Variants in BTBD10 observed in about 807,000 individuals in gnomAD.
The protein encoded by BTBD10 is BTB domain containing 10, also known as BTB/POZ domain-containing protein 10.
Under a neutral mutation model 53.2 loss-of-function variants are expected in BTBD10, and 21 were observed. That is an observed-to-expected ratio of 0.39 (90% CI 0.28 to 0.57). The LOEUF is 0.57. Ranked by LOEUF, BTBD10 falls within the 20% of genes least tolerant of loss-of-function variation. The pLI is 0.53. For missense variants in BTBD10, 360 were observed against 594.7 expected (o/e 0.61, Z 4.10); for synonymous variants, 149 against 192.7 (o/e 0.77, Z 1.88).
intron 1 of BTBD10, among the ~76,000 whole-genome samples, chr11:13,457,818 A>G (rs763219466): frequency 3.3e-5 from 5 of 152,210 alleles, no homozygotes; most frequent in Non-Finnish European, 5.9e-5. Flanking sequence ...GTACACACAT[A>G]TATTTCTGAC....
At chr11:13,451,066 T>C (rs572763768) in intron 1 of BTBD10, among the ~76,000 whole-genome samples, 1 of 151,938 alleles carries the variant, frequency 6.6e-6, no homozygotes, top group African/African-American at 2.4e-5. Flanking sequence ...AAATTTCAGG[T>C]AGATGTAGTG....
intron 2 of BTBD10, among the ~76,000 whole-genome samples, chr11:13,422,879 C>A (rs1449153547): frequency 6.6e-6 from 1 of 152,262 alleles, no homozygotes; most frequent in Non-Finnish European, 1.5e-5. Context: ...TAAATGCCAA[C>A]AGAAAGAAGC....
intron 2 of BTBD10, among the ~76,000 whole-genome samples, chr11:13,431,640 G>A (rs1950449797): frequency 6.6e-6 from 1 of 152,080 alleles, no homozygotes; most frequent in African/African-American, 2.4e-5. Context: ...TTATTAAAAT[G>A]GTCACTCTCA....
Position 13,388,287 on chromosome 11 carries a change from C to A in BTBD10, c.*544G>T. ...TAAGATATGGGCATTAAATCTCATCCTGATCATTCAGATAAGCCCAAGATA... is the reference window on the plus strand; with the variant it reads ...TAAGATATGGGCATTAAATCTCATCATGATCATTCAGATAAGCCCAAGATA... On this transcript the variant is annotated 3_prime_UTR_variant, in exon 9 of 9. Coordinates refer to ENST00000278174, the MANE Select transcript of BTBD10 (RefSeq NM_032320.7). 6.5e-6 allele frequency: 1 copy of A among 154,176 alleles called. No homozygotes were observed. 9.6% of individuals were successfully genotyped at this position (154,176 alleles called of 1,614,324 possible). A position where few individuals can be genotyped will look rare whatever the true frequency, so the allele number is the denominator to read the frequency against.
At chr11:13,450,159 A>C (rs1261767741) in intron 1 of BTBD10, among the ~76,000 whole-genome samples, 1 of 152,188 alleles carries the variant, frequency 6.6e-6, no homozygotes, top group Non-Finnish European at 1.5e-5. Flanking sequence ...TCAGACGACA[A>C]GGGCTGCCTT....
intron 1 of BTBD10, among the ~76,000 whole-genome samples, chr11:13,460,848 T>C (rs1169492223): frequency 6.6e-6 from 1 of 152,238 alleles, no homozygotes; most frequent in African/African-American, 2.4e-5. Context: ...GAGGGTCTCT[T>C]GTATTTAATT....
intron 6 of BTBD10, among the ~76,000 whole-genome samples, chr11:13,407,928 T>C (rs563941705): frequency 7.9e-5 from 12 of 152,296 alleles, no homozygotes; most frequent in Non-Finnish European, 4.4e-5. Context: ...AGAGCACACA[T>C]AGGTATTCTG....
chr11:13,422,307 T>G (rs564238321), intron 2 of BTBD10, among the ~76,000 whole-genome samples: 1 of 152,272 alleles, frequency 6.6e-6, no homozygotes, highest in African/African-American at 2.4e-5. Flanking sequence ...CAACTTTCAG[T>G]TGAGCCTTTT....
In BTBD10 at chr11:13,405,764, C is replaced by T. The variant is rs1215110701; in HGVS notation, c.901G>A (p.Ala301Thr). 3 of 1,613,666 alleles carry T rather than the reference C, an allele frequency of 1.9e-6. No homozygotes were observed. The highest frequency in any genetic ancestry group is 2.7e-5 in the African/African-American group (2 of 74,900). The change falls in exon 7 of 9, where the codon GCC becomes ACC. Residue 301 changes from alanine to threonine, a missense_variant. Ala to Thr is a moderately conservative substitution (Grantham distance 58, BLOSUM62 0). This residue lies in a region of BTBD10 where 91 missense variants were observed against 171.7 expected (regional missense o/e 0.53). Coordinates refer to ENST00000278174, the MANE Select transcript of BTBD10 (RefSeq NM_032320.7). ...TGACATTCCCGTTCCCCACTCTGGG[C>T]ACTAGCTACCATGAGAGGGAGGATC... ...EMILPLMVAS[A>T]QSGERECHIV...
chr11:13,436,990 C>T (rs1950555593), intron 2 of BTBD10, among the ~76,000 whole-genome samples: 1 of 152,160 alleles, frequency 6.6e-6, no homozygotes, highest in Admixed American at 6.5e-5. Flanking sequence ...ACCATGTTGT[C>T]CAGGCTGGTC....
rs1288415611 is a variant in BTBD10, at chr11:13,404,760, TGTA to T, written c.1006+896_1006+898del. 4 of 213,384 alleles carry T rather than the reference TGTA, an allele frequency of 1.9e-5. No homozygotes were observed. The Admixed American group carries it at 2.6e-4, about 14-fold the overall frequency. 13.2% of individuals were successfully genotyped at this position (213,384 alleles called of 1,614,324 possible). A position where few individuals can be genotyped will look rare whatever the true frequency, so the allele number is the denominator to read the frequency against. ...AAAAGAAATATCTCAATGCAAACTC[TGTA>T]AAGTGCTACCATAACTTGTGTTAAA... On this transcript the variant is annotated intron_variant, in intron 7 of 8. Transcript: ENST00000278174.
intron 2 of BTBD10, among the ~76,000 whole-genome samples, chr11:13,422,402 C>T (rs1230749866): frequency 6.6e-6 from 1 of 152,140 alleles, no homozygotes; most frequent in Non-Finnish European, 1.5e-5. Flanking sequence ...AATCCCAACG[C>T]TTTGGGAGGC....
At chr11:13,395,763 C>A (rs1304582272) in intron 8 of BTBD10, among the ~76,000 whole-genome samples, 2 of 152,196 alleles carry the variant, frequency 1.3e-5, no homozygotes, top group Non-Finnish European at 2.9e-5. Context: ...ATATGGCTAG[C>A]CAGTTTTCCC....
chr11:13,436,411 A>G (rs10832034), intron 2 of BTBD10, among the ~76,000 whole-genome samples: 118,390 of 152,104 alleles, frequency 0.78, 46,893 homozygotes, highest in Middle Eastern at 0.88. Flanking sequence ...CATTGCCAAC[A>G]CCCACTAGAA....
intron 6 of BTBD10, among the ~76,000 whole-genome samples, chr11:13,406,560 T>TGAGAGAGAGAGAGAGAGA (rs72242186): frequency 7.1e-6 from 1 of 141,456 alleles, no homozygotes; most frequent in African/African-American, 2.6e-5. Flanking sequence ...TACGCATGAG[T>TGAGAGAGAGAGAGAGAGA]GAGAGAGAGA....
chr11:13,418,566 A>AT (rs1327942954), intron 4 of BTBD10, among the ~76,000 whole-genome samples: 3 of 151,942 alleles, frequency 2.0e-5, no homozygotes, highest in Non-Finnish European at 4.4e-5. Flanking sequence ...TAGTTCAAAG[A>AT]TTTTTTTTCA....
chr11:13,412,206 C>A (rs1390691141), intron 6 of BTBD10, among the ~76,000 whole-genome samples: 1 of 152,112 alleles, frequency 6.6e-6, no homozygotes, highest in Non-Finnish European at 1.5e-5. Context: ...GTAATCCCAG[C>A]ACTTTGGGAG....
At chr11:13,399,579 G>A (rs985205814) in intron 8 of BTBD10, among the ~76,000 whole-genome samples, 12 of 152,182 alleles carry the variant, frequency 7.9e-5, no homozygotes, top group East Asian at 1.9e-4. Flanking sequence ...GCTTTGTTCC[G>A]TTGCTGGTGA....
chr11:13,402,223 A>G (rs1247427541), intron 8 of BTBD10, among the ~76,000 whole-genome samples: 2 of 152,156 alleles, frequency 1.3e-5, no homozygotes, highest in East Asian at 1.9e-4. Context: ...TTCTTCCTAT[A>G]TATCTCAGCA....
Sources: gnomAD v4.1 joint callset for allele counts (sites outside exome capture counted in the v4.1 genomes callset) on GRCh38, gnomAD v4.1.1 for gene constraint, gnomAD v4.1.1 regional missense constraint, MANE v1.5 for transcripts, NCBI Gene and HGNC (gene_info 2026-07-23, HGNC 2026-07-21) for gene names.